ALS2CL: variants seen among roughly 807,000 people sequenced by gnomAD.
ALS2CL encodes ALS2 C-terminal like, also known as ALS2 C-terminal-like protein.
Under a neutral mutation model 127.9 loss-of-function variants are expected in ALS2CL, and 112 were observed. The observed-to-expected ratio is 0.88, with a 90% CI of 0.75 to 1.02. The LOEUF (loss-of-function observed/expected upper bound fraction) is 1.02. Among genes scored for constraint, ALS2CL ranks in the 50% least tolerant of loss-of-function variants. The pLI is 0.00. For synonymous variants in ALS2CL, 519 were observed against 527.6 expected (o/e 0.98, Z 0.22); for missense variants, 1,174 against 1,236.7 (o/e 0.95, Z 0.76).
Position 46,679,282 on chromosome 3 carries a change from CG to C in ALS2CL, c.1553del (p.Pro518ArgfsTer20). ...AGTCGTCTTCAGAGAGGAGGATGCCCGGGCCCTTGGGGAGAGGAAGCCAGGG... is the reference window on the plus strand; with the variant it reads ...AGTCGTCTTCAGAGAGGAGGATGCCCGGCCCTTGGGGAGAGGAAGCCAGGG... ...GTFQADKTVG[P>X]GILLSEDDSL... On this transcript the variant is annotated frameshift_variant, in exon 15 of 26. Coordinates refer to ENST00000318962, the MANE Select transcript of ALS2CL (RefSeq NM_147129.5). LOFTEE classifies it high-confidence loss of function. 1 of 1,586,836 alleles carries C rather than the reference CG, an allele frequency of 6.3e-7. No homozygotes were observed. Among genetic ancestry groups the C allele is most frequent in the Non-Finnish European group, 8.6e-7 (1 of 1,166,080 alleles).
intron 1 of ALS2CL, among the ~76,000 whole-genome samples, chr3:46,691,722 CTTT>C (rs1029410954): frequency 1.5e-5 from 2 of 134,676 alleles, no homozygotes; most frequent in African/African-American, 2.7e-5. Flanking sequence ...TCTTTCTATT[CTTT>C]TTTTTTTTTT....
At chr3:46,677,481 G>A (rs1305176852) in intron 16 of ALS2CL, 35 of 832,544 alleles carry the variant, frequency 4.2e-5, no homozygotes, top group Middle Eastern at 6.0e-4. Context: ...GCACTCCAGT[G>A]TCATGCTCGT....
intron 14 of ALS2CL, chr3:46,680,116 T>A: frequency 2.9e-6 from 1 of 343,012 alleles, no homozygotes; most frequent in Non-Finnish European, 5.6e-6. Flanking sequence ...AGGTGTCAAG[T>A]TAGGACTCTG....
At chr3:46,685,502 C>T (rs2106735071) in intron 7 of ALS2CL, 23 bp downstream of exon 7, 3 of 1,611,730 alleles carry the variant, frequency 1.9e-6, no homozygotes, top group South Asian at 2.2e-5. Context: ...GGCCTCAAGA[C>T]CTTGGGTCAG....
chr3:46,675,784 A>G, intron 19 of ALS2CL, 98 bp from the exon 20 acceptor site: 2 of 1,587,576 alleles, frequency 1.3e-6, no homozygotes, highest in Non-Finnish European at 1.7e-6. Flanking sequence ...GGCCTCTCAG[A>G]ACTGTGGACA....
intron 15 of ALS2CL, 32 bp from the exon 16 acceptor site, chr3:46,678,421 G>C: frequency 6.3e-7 from 1 of 1,594,916 alleles, no homozygotes; most frequent in Non-Finnish European, 8.6e-7. Context: ...AGGGATGTCT[G>C]TCTGCCCAGT....
Position 46,681,882 on chromosome 3 carries a change from G to T in ALS2CL, c.1175+147C>A. 1 of 1,069,000 alleles carries T rather than the reference G, an allele frequency of 9.4e-7. No homozygotes were observed. Among genetic ancestry groups the T allele is most frequent in the Admixed American group, 2.2e-5 (1 of 45,322 alleles). The allele number at this position is 1,069,000 out of a possible 1,614,324, so 66.2% of individuals were successfully genotyped here. A position where few individuals can be genotyped will look rare whatever the true frequency, so the allele number is the denominator to read the frequency against. ...AGGCCCCCGGTTCCCCTTTGGTACAGTGGGCGGGGGCTGGACCGGATTGTC... is the reference window on the plus strand; with the variant it reads ...AGGCCCCCGGTTCCCCTTTGGTACATTGGGCGGGGGCTGGACCGGATTGTC... On this transcript the variant is annotated intron_variant, in intron 11 of 25. Coordinates refer to ENST00000318962, the MANE Select transcript of ALS2CL (RefSeq NM_147129.5). The surrounding 1 kb of genome is among the most constrained non-coding windows in gnomAD (Gnocchi z 4.9).
At chr3:46,679,156 A>G in intron 15 of ALS2CL, 54 bp downstream of exon 15, 1 of 1,507,104 alleles carries the variant, frequency 6.6e-7, no homozygotes, top group Non-Finnish European at 9.0e-7. Flanking sequence ...GGGAGATTAC[A>G]GACACCAACC....
Position 46,689,358 on chromosome 3 carries a change from AG to A in ALS2CL, c.82del (p.Leu28SerfsTer36). 6.2e-7 allele frequency: 1 copy of A among 1,612,894 alleles called. No homozygotes were observed. Among genetic ancestry groups the A allele is most frequent in the Non-Finnish European group, 8.5e-7 (1 of 1,179,892 alleles). On this transcript the variant is annotated frameshift_variant, in exon 2 of 26. Coordinates refer to ENST00000318962, the MANE Select transcript of ALS2CL (RefSeq NM_147129.5). LOFTEE classifies it high-confidence loss of function. ...CTCACCGGCTGGGAGCAGGGGCTGG[AG>A]GACAAGGCTGTTGACATGGGCGAGG... ...ATLAHVNSLV[L>X]QPLLPAAPDP...
intron 14 of ALS2CL, 121 bp downstream of exon 14, chr3:46,680,309 C>G (rs1252335287): frequency 1.8e-6 from 2 of 1,120,768 alleles, no homozygotes; most frequent in Non-Finnish European, 2.6e-6. Flanking sequence ...CTGGCTCCCT[C>G]CAGCACCCAG....
rs1698266991 is a variant in ALS2CL, at chr3:46,669,919, G to A, written c.*1065C>T. ...TTCGTTTGGGGGAGCCACACCCAGAGCCAGGAGCCTGACTTGCTCAGGGCC... is the reference window on the plus strand; with the variant it reads ...TTCGTTTGGGGGAGCCACACCCAGAACCAGGAGCCTGACTTGCTCAGGGCC... On this transcript the variant is annotated 3_prime_UTR_variant, in exon 26 of 26. Transcript: ENST00000318962. 6.6e-6 allele frequency: 1 copy of A among 152,244 alleles called. No homozygotes were observed. The highest frequency in any genetic ancestry group is 6.5e-5 in the Admixed American group (1 of 15,282). 9.4% of individuals were successfully genotyped at this position (152,244 alleles called of 1,614,324 possible). A position where few individuals can be genotyped will look rare whatever the true frequency, so the allele number is the denominator to read the frequency against.
chr3:46,686,160 C>T lies in ALS2CL; in HGVS notation c.666+148G>A. 1 of 1,234,224 alleles carries T rather than the reference C, an allele frequency of 8.1e-7. No homozygotes were observed. The highest frequency in any genetic ancestry group is 1.1e-6 in the Non-Finnish European group (1 of 908,490). The allele number at this position is 1,234,224 out of a possible 1,614,324, so 76.5% of individuals were successfully genotyped here. On this transcript the variant is annotated intron_variant, in intron 6 of 25. Coordinates refer to ENST00000318962, the MANE Select transcript of ALS2CL (RefSeq NM_147129.5). This position sits in a 1 kb window ranked among gnomAD's most constrained non-coding sequence, Gnocchi z 4.3. Reference sequence around the variant, plus strand: ...AGATAAGAATGGCTGGACAGAGGGACCTTACAGCCACCTGCTTCAGCCATC... The same window carrying T: ...AGATAAGAATGGCTGGACAGAGGGATCTTACAGCCACCTGCTTCAGCCATC...
Position 46,671,045 on chromosome 3 carries a change from T to A in ALS2CL, c.2801A>T (p.Gln934Leu). Residue 934 changes from glutamine to leucine, a missense_variant, in exon 26 of 26, where the codon CAG (glutamine) becomes CTG (leucine). Transcript: ENST00000318962. ...GCGGTGCAGCCTCATGTCTTCTTTC[T>A]GGATGTGCTCGTAACAGGACTGGAG... Reference protein sequence around the residue: ...TALESCYEHIQKEDMRLHRLP... With the variant: ...TALESCYEHILKEDMRLHRLP... The A allele has an allele frequency of 6.2e-7, 1 of 1,614,192 alleles. No homozygotes were observed. Among genetic ancestry groups the A allele is most frequent in the Non-Finnish European group, 8.5e-7 (1 of 1,180,010 alleles).
At chr3:46,683,723 C>T (rs1313500799) in intron 9 of ALS2CL, 59 bp downstream of exon 9, 18 of 1,587,020 alleles carry the variant, frequency 1.1e-5, no homozygotes, top group Middle Eastern at 1.7e-4. Context: ...ATACTTCTGC[C>T]CTCTTCCTAC....
intron 24 of ALS2CL, 134 bp downstream of exon 24, chr3:46,671,750 T>C (rs1698407068): frequency 6.6e-7 from 1 of 1,522,860 alleles, no homozygotes; most frequent in East Asian, 2.4e-5. Flanking sequence ...CTCCCTTTTC[T>C]GGGCCTTGGC....
chr3:46,680,496 G>A lies in ALS2CL; in HGVS notation c.1482C>T (p.Gly494=). The change falls in exon 14 of 26, where the codon GGC becomes GGT. Residue 494 remains glycine, a synonymous_variant. Transcript: ENST00000318962. ...IGMWQAGQRH[G]PGVMVTQAGV... ...CTGCCTGGGTGACCATGACCCCTGG[G>A]CCGTGGCGCTGACCAGCCTGCCACA... is the stretch of plus-strand genomic sequence containing the variant. The A allele has an allele frequency of 1.9e-6, 3 of 1,613,302 alleles. No homozygotes were observed. The highest frequency in any genetic ancestry group is 2.5e-6 in the Non-Finnish European group (3 of 1,180,010).
At chr3:46,677,262 A>T (rs1698931665) in intron 16 of ALS2CL, 6 of 1,363,014 alleles carry the variant, frequency 4.4e-6, no homozygotes, top group Non-Finnish European at 5.7e-6. Flanking sequence ...AAGCATATGG[A>T]ATCCTGGAAA....
intron 25 of ALS2CL, 29 bp downstream of exon 25, chr3:46,671,459 C>T: frequency 1.2e-6 from 2 of 1,613,288 alleles, no homozygotes; most frequent in Non-Finnish European, 1.7e-6. Context: ...AGGGCATTTC[C>T]ACCTCGGTCC....
At position 46,688,157 on chromosome 3, in the gene ALS2CL, G is replaced by A. The variant is rs781679558; in HGVS notation, c.243C>T (p.Thr81=). The A allele has an allele frequency of 1.5e-5, 24 of 1,612,944 alleles. No individual in the cohort carries two copies. Among genetic ancestry groups the A allele is most frequent in the Middle Eastern group, 1.6e-4 (1 of 6,084 alleles). The stretch of plus-strand genomic sequence containing the variant: ...GCAGCAGCAGCAGGGACTCCAGACC[G>A]GTGGAGTCCGGGTAACGCAGCCTCT... The part of the protein sequence containing the change: ...LQERLRYPDS[T]GLESLLLLRG... The change falls in exon 3 of 26, where the codon ACC becomes ACT. Residue 81 remains threonine, a synonymous_variant. Coordinates refer to ENST00000318962, the MANE Select transcript of ALS2CL (RefSeq NM_147129.5).
Sources: gnomAD v4.1 joint callset for allele counts (sites outside exome capture counted in the v4.1 genomes callset) on GRCh38, gnomAD v4.1.1 for gene constraint, Gnocchi (gnomAD v3.1) non-coding constraint, MANE v1.5 for transcripts, NCBI Gene and HGNC (gene_info 2026-07-23, HGNC 2026-07-21) for gene names.